SORCS3: variants seen among roughly 807,000 people sequenced by gnomAD.
The protein encoded by SORCS3 is VPS10 domain-containing receptor SorCS3.
A neutral mutation model predicts 146.3 loss-of-function variants in SORCS3; 57 were observed. That is an observed-to-expected ratio of 0.39 (90% CI 0.31 to 0.49). The LOEUF (loss-of-function observed/expected upper bound fraction) is 0.49. SORCS3 is among the 20% of genes least tolerant of loss of function. SORCS3 has a pLI of 0.92. For missense variants in SORCS3, 1,341 were observed against 1,575.5 expected (o/e 0.85, Z 2.52); for synonymous variants, 653 against 618.5 (o/e 1.06, Z -0.83).
chr10:105,204,979 C>T (rs1167598008), intron 16 of SORCS3, among the ~76,000 whole-genome samples: 1 of 152,190 alleles, frequency 6.6e-6, no homozygotes, highest in African/African-American at 2.4e-5. Context: ...TTGTCCCCTT[C>T]TCAATGGTCC....
intron 4 of SORCS3, among the ~76,000 whole-genome samples, chr10:105,004,881 C>T (rs2055085287): frequency 6.6e-6 from 1 of 152,090 alleles, no homozygotes; most frequent in Non-Finnish European, 1.5e-5. Flanking sequence ...CCTTCCCTTC[C>T]ACCATTCATA....
intron 1 of SORCS3, among the ~76,000 whole-genome samples, chr10:104,751,966 T>TAA (rs1554848918): frequency 1.2e-4 from 13 of 109,572 alleles, no homozygotes; most frequent in African/African-American, 5.1e-4. Context: ...TATATATATA[T>TAA]ATAATAGTTT....
At chr10:104,899,666 T>A (rs1047944438) in intron 2 of SORCS3, among the ~76,000 whole-genome samples, 2 of 152,154 alleles carry the variant, frequency 1.3e-5, no homozygotes, top group Admixed American at 1.3e-4. Context: ...GGGAAGTGAA[T>A]TACTCTCCCA....
chr10:105,102,858 C>T (rs1184420446), intron 6 of SORCS3, among the ~76,000 whole-genome samples: 1 of 135,096 alleles, frequency 7.4e-6, no homozygotes, highest in East Asian at 2.2e-4. Flanking sequence ...GGCGCGATCT[C>T]GGCTCAGTGC....
intron 17 of SORCS3, 140 bp from the exon 18 acceptor site, chr10:105,214,302 T>C: frequency 1.2e-6 from 1 of 834,736 alleles, no homozygotes; most frequent in African/African-American, 1.7e-5. Context: ...TTTTGAGACT[T>C]GGTTTCCAGG....
At chr10:104,796,375 CAAG>C (rs954671491) in intron 1 of SORCS3, among the ~76,000 whole-genome samples, 90 of 151,798 alleles carry the variant, frequency 5.9e-4, no homozygotes, top group African/African-American at 2.0e-3. Flanking sequence ...TTTAGGATAT[CAAG>C]GAGAAAATTT....
intron 5 of SORCS3, among the ~76,000 whole-genome samples, chr10:105,061,381 G>A (rs995415430): frequency 2.8e-5 from 4 of 145,104 alleles, no homozygotes; most frequent in East Asian, 4.4e-4. Context: ...TACAAGCTCC[G>A]CCTCCCAGGT....
chr10:105,095,024 G>A (rs1224268133), intron 6 of SORCS3, among the ~76,000 whole-genome samples: 2 of 152,122 alleles, frequency 1.3e-5, no homozygotes, highest in African/African-American at 2.4e-5. Flanking sequence ...GCTTCATGAA[G>A]CAATTATATT....
At chr10:104,867,567 C>T (rs2018473836) in intron 2 of SORCS3, among the ~76,000 whole-genome samples, 1 of 152,080 alleles carries the variant, frequency 6.6e-6, no homozygotes, top group African/African-American at 2.4e-5. Flanking sequence ...CCTAGGCCTC[C>T]CAAAGTACTG....
intron 18 of SORCS3, among the ~76,000 whole-genome samples, chr10:105,215,306 T>C (rs2056658607): frequency 1.3e-5 from 2 of 152,168 alleles, no homozygotes; most frequent in Admixed American, 1.3e-4. Flanking sequence ...CTTTGCTGAG[T>C]GGTAGAGCAG....
chr10:105,162,899 T>C (rs2056277815), intron 11 of SORCS3, among the ~76,000 whole-genome samples: 1 of 152,106 alleles, frequency 6.6e-6, no homozygotes, highest in Non-Finnish European at 1.5e-5. Context: ...TTCTATTCTG[T>C]CAAAACCAAA....
intron 1 of SORCS3, among the ~76,000 whole-genome samples, chr10:104,642,562 C>T (rs1372057662): frequency 6.6e-6 from 1 of 152,052 alleles, no homozygotes; most frequent in Non-Finnish European, 1.5e-5. Flanking sequence ...CCGGTTCCTC[C>T]TTCAAAGTCC....
chr10:105,124,387 A>G (rs1350793435), intron 7 of SORCS3, among the ~76,000 whole-genome samples: 7 of 152,184 alleles, frequency 4.6e-5, no homozygotes, highest in Non-Finnish European at 8.8e-5. Flanking sequence ...CAGGAAGGCA[A>G]TGTGGCAGGG....
chr10:105,169,422 G>A (rs985190903), intron 13 of SORCS3, among the ~76,000 whole-genome samples: 2 of 152,066 alleles, frequency 1.3e-5, no homozygotes, highest in Non-Finnish European at 2.9e-5. Flanking sequence ...AAGGAGCCTG[G>A]CATCCTTCTC....
chr10:104,917,598 T>A (rs1391111149), intron 3 of SORCS3, among the ~76,000 whole-genome samples: 2 of 152,216 alleles, frequency 1.3e-5, no homozygotes, highest in African/African-American at 4.8e-5. Flanking sequence ...TCCTCCTATA[T>A]AACTGTAATT....
At chr10:104,648,970 G>A (rs11192145) in intron 1 of SORCS3, among the ~76,000 whole-genome samples, 3 of 152,150 alleles carry the variant, frequency 2.0e-5, no homozygotes, top group Non-Finnish European at 4.4e-5. Flanking sequence ...CCTTGGCTAA[G>A]TAGGGGACTG....
intron 2 of SORCS3, among the ~76,000 whole-genome samples, chr10:104,891,442 AG>A (rs2018748029): frequency 1.3e-5 from 2 of 152,118 alleles, no homozygotes; most frequent in South Asian, 4.1e-4. Context: ...GCTTTGCCTT[AG>A]GCTTTCCTGT....
intron 14 of SORCS3, among the ~76,000 whole-genome samples, chr10:105,189,115 T>C (rs1191092811): frequency 2.6e-5 from 4 of 152,188 alleles, no homozygotes; most frequent in African/African-American, 7.2e-5. Context: ...AATGTGAGAA[T>C]TTCTCTTCTT....
intron 1 of SORCS3, among the ~76,000 whole-genome samples, chr10:104,741,690 TC>T (rs1408244417): frequency 1.4e-5 from 2 of 144,320 alleles, no homozygotes; most frequent in African/African-American, 5.1e-5. Flanking sequence ...CTCTTTCCTT[TC>T]CATTCTGGGT....
Sources: gnomAD v4.1 joint callset for allele counts (sites outside exome capture counted in the v4.1 genomes callset) on GRCh38, gnomAD v4.1.1 for gene constraint, MANE v1.5 for transcripts, NCBI Gene and HGNC (gene_info 2026-07-23, HGNC 2026-07-21) for gene names.